The following GALNTL6 variants were observed in gnomAD, a reference collection of about 807,000 sequenced individuals.
GALNTL6 encodes the protein polypeptide N-acetylgalactosaminyltransferase like 6.
GALNTL6 carries 46 observed loss-of-function variants against 73.7 expected under a neutral mutation model. That is an observed-to-expected ratio of 0.62 (90% CI 0.49 to 0.80). The LOEUF (loss-of-function observed/expected upper bound fraction) is 0.80. Ranked by LOEUF, GALNTL6 falls within the 30% of genes least tolerant of loss-of-function variation. GALNTL6 has a pLI of 0.00. For missense variants in GALNTL6, 604 were observed against 755.0 expected, an observed-to-expected ratio of 0.80 and a Z score of 2.34; for synonymous variants, 259 against 263.7, an observed-to-expected ratio of 0.98 and a Z score of 0.17.
intron 5 of GALNTL6, among the ~76,000 whole-genome samples, chr4:172,665,108 C>T (rs906279204): frequency 5.9e-5 from 9 of 152,198 alleles, no homozygotes; most frequent in Admixed American, 2.0e-4. Context: ...CAGAATAACA[C>T]GAGCTAACCT....
chr4:171,892,957 C>T (rs1326825014), intron 2 of GALNTL6, among the ~76,000 whole-genome samples: 2 of 152,024 alleles, frequency 1.3e-5, no homozygotes, highest in Admixed American at 1.3e-4. Flanking sequence ...CAGGAAGGAC[C>T]ATATCTGCCC....
At chr4:172,327,995 ATG>A (rs1369436992) in intron 4 of GALNTL6, among the ~76,000 whole-genome samples, 1 of 151,960 alleles carries the variant, frequency 6.6e-6, no homozygotes, top group Admixed American at 6.6e-5. Flanking sequence ...CTGTGTAATG[ATG>A]TGTGTGTTTT....
intron 4 of GALNTL6, among the ~76,000 whole-genome samples, chr4:172,314,006 G>C (rs185215108): frequency 6.6e-6 from 1 of 152,150 alleles, no homozygotes; most frequent in African/African-American, 2.4e-5. Context: ...TGTCTTACAG[G>C]CTCCCACTGT....
chr4:172,099,616 T>C (rs1465272540), intron 2 of GALNTL6, among the ~76,000 whole-genome samples: 1 of 152,188 alleles, frequency 6.6e-6, no homozygotes, highest in African/African-American at 2.4e-5. Flanking sequence ...GGATCCTTTG[T>C]GTTCCCAACT....
At chr4:172,584,740 G>A (rs779535509) in intron 5 of GALNTL6, among the ~76,000 whole-genome samples, 6 of 152,218 alleles carry the variant, frequency 3.9e-5, no homozygotes, top group Non-Finnish European at 8.8e-5. Context: ...GGACATCCAA[G>A]TACAGTCTGT....
At chr4:172,184,076 C>G (rs1443934366) in intron 2 of GALNTL6, among the ~76,000 whole-genome samples, 1 of 152,184 alleles carries the variant, frequency 6.6e-6, no homozygotes, top group Non-Finnish European at 1.5e-5. Flanking sequence ...AGGCATGAGC[C>G]ACCGCATCCG....
intron 7 of GALNTL6, among the ~76,000 whole-genome samples, chr4:172,819,491 T>C (rs1389580263): frequency 6.6e-6 from 1 of 152,150 alleles, no homozygotes; most frequent in African/African-American, 2.4e-5. Context: ...AGCTATACAG[T>C]CTAAATGACT....
rs142114650 is a variant in GALNTL6 at position 172,661,841 on chromosome 4, G to A, written c.554-147520G>A. ...ATATTTATTGAACACCCTTATCACA[G>A]GGAGGCAACAATGGTGAGTGGGTGA... On this transcript the variant is annotated intron_variant, in intron 5 of 12. Coordinates refer to ENST00000506823, the MANE Select transcript of GALNTL6 (RefSeq NM_001034845.3). Among the ~76,000 whole-genome samples, 4 of 152,290 alleles carry A rather than the reference G, an allele frequency of 2.6e-5. No individual in the cohort carries two copies. The East Asian group carries it at 7.7e-4, about 29-fold the overall frequency.
intron 2 of GALNTL6, among the ~76,000 whole-genome samples, chr4:171,898,779 A>T (rs1736998747): frequency 6.6e-6 from 1 of 151,976 alleles, no homozygotes; most frequent in Non-Finnish European, 1.5e-5. Context: ...AATGTTTGAT[A>T]CTTTGTGTTC....
Position 173,040,184 on chromosome 4 carries a change from A to T in GALNTL6, c.*84A>T, listed in dbSNP as rs1314233032. 5 of 1,038,640 alleles carry T rather than the reference A, an allele frequency of 4.8e-6. No individual in the cohort carries two copies. The African/African-American group carries it at 6.6e-5, about 14-fold the overall frequency. 64.3% of individuals were successfully genotyped at this position (1,038,640 alleles called of 1,614,324 possible). ...ATCTGGGTCGAAGGAGTCAGGAATA[A>T]CATTTCCTCGATCCAGGAAGGCTGG... On this transcript the variant is annotated 3_prime_UTR_variant, in exon 13 of 13. Transcript: ENST00000506823.
rs115468279 is a variant in GALNTL6, at chr4:172,100,435, T to C, written c.139-129221T>C. 6.5e-3 allele frequency among the ~76,000 whole-genome samples: 994 copies of C among 152,240 alleles called. 10 individuals are homozygous for C. The highest frequency in any genetic ancestry group is 0.023 in the African/African-American group (937 of 41,556). On this transcript the variant is annotated intron_variant, in intron 2 of 12. Transcript: ENST00000506823. ...TACACAAATGAAAAATAATAGCTAA[T>C]ATTTGAAGACACAGACATAAAACAT... is the stretch of plus-strand genomic sequence containing the variant.
intron 2 of GALNTL6, among the ~76,000 whole-genome samples, chr4:171,988,306 C>T (rs567736874): frequency 1.2e-4 from 18 of 152,168 alleles, no homozygotes; most frequent in African/African-American, 3.1e-4. Context: ...AGGGAGAGCA[C>T]GTGTGTTTTT....
At chr4:172,184,705 T>A (rs2110863437) in intron 2 of GALNTL6, among the ~76,000 whole-genome samples, 2 of 152,294 alleles carry the variant, frequency 1.3e-5, no homozygotes, top group South Asian at 2.1e-4. Context: ...GCCCATTTTG[T>A]GCTGCTATAA....
At chr4:172,367,597 G>T (rs1742615056) in intron 5 of GALNTL6, among the ~76,000 whole-genome samples, 1 of 152,072 alleles carries the variant, frequency 6.6e-6, no homozygotes, top group South Asian at 2.1e-4. Flanking sequence ...CTTCTATCTG[G>T]CATTGAATAT....
At chr4:172,858,710 T>C (rs1408025508) in intron 7 of GALNTL6, among the ~76,000 whole-genome samples, 3 of 152,030 alleles carry the variant, frequency 2.0e-5, no homozygotes, top group African/African-American at 7.2e-5. Context: ...ATCTAAGCTG[T>C]CTACTGTTCC....
chr4:171,979,174 G>A (rs888195473), intron 2 of GALNTL6, among the ~76,000 whole-genome samples: 3 of 152,038 alleles, frequency 2.0e-5, no homozygotes, highest in African/African-American at 7.3e-5. Flanking sequence ...TTGACCCAGA[G>A]CAATGGACAT....
At chr4:172,434,728 A>G (rs1731573568) in intron 5 of GALNTL6, among the ~76,000 whole-genome samples, 1 of 152,164 alleles carries the variant, frequency 6.6e-6, no homozygotes, top group South Asian at 2.1e-4. Flanking sequence ...AAGAAAAAAA[A>G]TGGCTTATTG....
intron 2 of GALNTL6, among the ~76,000 whole-genome samples, chr4:171,854,949 T>C (rs1735644858): frequency 6.6e-6 from 1 of 152,226 alleles, no homozygotes; most frequent in Non-Finnish European, 1.5e-5. Context: ...AGCTATGCTC[T>C]AGCTGAGACG....
chr4:171,873,750 T>C (rs1046068123), intron 2 of GALNTL6, among the ~76,000 whole-genome samples: 1 of 152,208 alleles, frequency 6.6e-6, no homozygotes, highest in African/African-American at 2.4e-5. Flanking sequence ...ATCTGATGTG[T>C]TTTGTTAATT....
Sources: allele counts gnomAD v4.1 joint callset (sites outside exome capture counted in the v4.1 genomes callset), GRCh38; gene constraint gnomAD v4.1.1; transcripts MANE v1.5; gene names NCBI Gene and HGNC (gene_info 2026-07-23, HGNC 2026-07-21).